The following NAALADL2 variants were observed in gnomAD, a reference collection of about 807,000 sequenced individuals.
NAALADL2 encodes N-acetylated alpha-linked acidic dipeptidase like 2.
In NAALADL2, 76 loss-of-function variants were observed where a neutral mutation model predicts 87.2. The ratio of observed to expected loss-of-function variants is 0.87; its 90% CI spans 0.72 to 1.05. NAALADL2 has a LOEUF of 1.05. Ranked by LOEUF, NAALADL2 falls within the 50% of genes least tolerant of loss-of-function variation. The pLI, the probability that NAALADL2 is intolerant of heterozygous loss-of-function variation, is 0.00. For synonymous variants in NAALADL2, 354 were observed against 331.0 expected, an observed-to-expected ratio of 1.07 and a Z score of -0.75; for missense variants, 1,089 against 945.8, an observed-to-expected ratio of 1.15 and a Z score of -1.99.
chr3:175,511,242 G>A lies in NAALADL2; in HGVS notation c.1653+39484G>A, dbSNP rs541308719. Among the ~76,000 whole-genome samples the A allele has an allele frequency of 2.0e-4, 31 of 152,268 alleles. 1 individual carries two copies. Among genetic ancestry groups the A allele is most frequent in the African/African-American group, 7.2e-4 (30 of 41,566 alleles). On this transcript the variant is annotated intron_variant, in intron 9 of 13. Coordinates refer to ENST00000454872, the MANE Select transcript of NAALADL2 (RefSeq NM_207015.3). ...GTGAGAGACTAAGAGCCAATGTCAA[G>A]GGCTGAATTGTGTTCTCTCAAAATT...
At chr3:175,051,148 T>C (rs990168322) in intron 1 of NAALADL2, among the ~76,000 whole-genome samples, 4 of 152,224 alleles carry the variant, frequency 2.6e-5, no homozygotes, top group Non-Finnish European at 5.9e-5. Flanking sequence ...GAAATTTTCA[T>C]AGATGATGTG....
chr3:175,430,952 A>G (rs1717649649), intron 5 of NAALADL2, among the ~76,000 whole-genome samples: 1 of 152,068 alleles, frequency 6.6e-6, no homozygotes, highest in Admixed American at 6.6e-5. Flanking sequence ...TAAATCTAGC[A>G]TCTCATTGAT....
chr3:174,721,146 T>G (rs533403815), intron 2 of NAALADL2, among the ~76,000 whole-genome samples: 1 of 152,302 alleles, frequency 6.6e-6, no homozygotes, highest in Admixed American at 6.5e-5. Context: ...AATTATGAAT[T>G]CAATATTTAT....
At chr3:175,552,953 A>T (rs1714668595) in intron 9 of NAALADL2, among the ~76,000 whole-genome samples, 1 of 152,076 alleles carries the variant, frequency 6.6e-6, no homozygotes, top group South Asian at 2.1e-4. Flanking sequence ...ATATTTTATC[A>T]TTTTTATTTT....
At chr3:175,333,657 C>T (rs1254855856) in intron 5 of NAALADL2, among the ~76,000 whole-genome samples, 1 of 151,854 alleles carries the variant, frequency 6.6e-6, no homozygotes, top group Non-Finnish European at 1.5e-5. Context: ...TGATAGATAT[C>T]AGAGGCTGTG....
chr3:175,141,043 G>A (rs1043199304), intron 2 of NAALADL2, among the ~76,000 whole-genome samples: 2 of 152,080 alleles, frequency 1.3e-5, no homozygotes, highest in African/African-American at 4.8e-5. Flanking sequence ...TATCATGGAG[G>A]ATAAAGGAGT....
At chr3:174,895,637 C>G (rs1731423704) in intron 1 of NAALADL2, among the ~76,000 whole-genome samples, 1 of 152,160 alleles carries the variant, frequency 6.6e-6, no homozygotes. Context: ...TCAAACTACA[C>G]TCAAGAAGAG....
intron 3 of NAALADL2, among the ~76,000 whole-genome samples, chr3:174,841,948 T>C (rs1416191198): frequency 1.3e-5 from 2 of 152,212 alleles, no homozygotes; most frequent in African/African-American, 4.8e-5. Context: ...TTAATCGTTA[T>C]ATGTAATTAG....
At chr3:174,716,149 C>T (rs1731160199) in intron 2 of NAALADL2, among the ~76,000 whole-genome samples, 1 of 152,000 alleles carries the variant, frequency 6.6e-6, no homozygotes, top group South Asian at 2.1e-4. Context: ...AATAGAATAT[C>T]CTTAATTATA....
chr3:174,827,563 A>G (rs1276448434), intron 3 of NAALADL2, among the ~76,000 whole-genome samples: 1 of 152,198 alleles, frequency 6.6e-6, no homozygotes, highest in Non-Finnish European at 1.5e-5. Flanking sequence ...CCACTAGGAT[A>G]ATCCCAGGTA....
At chr3:174,999,391 T>C (rs1437756723) in intron 1 of NAALADL2, among the ~76,000 whole-genome samples, 2 of 152,190 alleles carry the variant, frequency 1.3e-5, no homozygotes, top group Non-Finnish European at 2.9e-5. Flanking sequence ...CTTTCTGTAA[T>C]GTACATGCTT....
intron 4 of NAALADL2, among the ~76,000 whole-genome samples, chr3:175,272,063 A>G (rs1752918664): frequency 6.6e-6 from 1 of 152,172 alleles, no homozygotes; most frequent in South Asian, 2.1e-4. Context: ...CCCTGGTAAG[A>G]AGAAAACTTC....
At chr3:175,504,983 A>C (rs746281446) in intron 9 of NAALADL2, among the ~76,000 whole-genome samples, 4 of 152,180 alleles carry the variant, frequency 2.6e-5, no homozygotes, top group Non-Finnish European at 5.9e-5. Flanking sequence ...CGCTAAGGAA[A>C]GTAAAGAGAT....
rs112282571 is a variant in NAALADL2, at chr3:175,745,679, C to A, written c.1990+8280C>A. ...AATCTACAGTTGCTAACTGTATGTC[C>A]AAAAAATGCATTTAGAATGCAATGG... On this transcript the variant is annotated intron_variant, in intron 12 of 13. Transcript: ENST00000454872. Among the ~76,000 whole-genome samples, 924 of 152,094 alleles carry A rather than the reference C, an allele frequency of 6.1e-3. 9 individuals are homozygous for A. Among genetic ancestry groups the A allele is most frequent in the African/African-American group, 0.021 (869 of 41,494 alleles).
At chr3:174,975,371 C>T (rs1014109031) in intron 1 of NAALADL2, among the ~76,000 whole-genome samples, 3 of 152,146 alleles carry the variant, frequency 2.0e-5, no homozygotes, top group Non-Finnish European at 4.4e-5. Flanking sequence ...ACACTACTTC[C>T]AGTCATATTA....
At chr3:175,248,688 A>C (rs566207104) in intron 3 of NAALADL2, among the ~76,000 whole-genome samples, 4 of 152,166 alleles carry the variant, frequency 2.6e-5, no homozygotes, top group Non-Finnish European at 5.9e-5. Flanking sequence ...GAACAGAAAG[A>C]TTGCCGTGGC....
In NAALADL2 at chr3:175,326,389, G is replaced by T. The variant is rs146728784; in HGVS notation, c.1090+2064G>T. ...TTGTCTTTTTTTAAATACCTCACCA[G>T]AATTGCTGTTAATAATCCTAGATTT... On this transcript the variant is annotated intron_variant, in intron 5 of 13. Coordinates refer to ENST00000454872, the MANE Select transcript of NAALADL2 (RefSeq NM_207015.3). Among the ~76,000 whole-genome samples, 136 of 152,220 alleles carry T rather than the reference G, an allele frequency of 8.9e-4. 1 individual carries two copies. In the East Asian group the frequency reaches 0.025, roughly 28 times the overall value.
intron 2 of NAALADL2, among the ~76,000 whole-genome samples, chr3:175,156,187 C>G (rs1301451022): frequency 6.6e-6 from 1 of 152,090 alleles, no homozygotes; most frequent in Non-Finnish European, 1.5e-5. Flanking sequence ...GGAACAAATA[C>G]TTATTCTTCC....
At chr3:175,360,149 C>T (rs1764823059) in intron 5 of NAALADL2, among the ~76,000 whole-genome samples, 2 of 152,014 alleles carry the variant, frequency 1.3e-5, no homozygotes, top group African/African-American at 2.4e-5. Context: ...AGTGTTATTG[C>T]TTGTATGACT....
Sources: allele counts gnomAD v4.1 joint callset (sites outside exome capture counted in the v4.1 genomes callset), GRCh38; gene constraint gnomAD v4.1.1; transcripts MANE v1.5; gene names NCBI Gene and HGNC (gene_info 2026-07-23, HGNC 2026-07-21).